The following TMEM132A variants were observed in gnomAD, a reference collection of about 807,000 sequenced individuals.
TMEM132A encodes transmembrane protein 132A.
Under a neutral mutation model 69.9 loss-of-function variants are expected in TMEM132A, and 48 were observed. The ratio of observed to expected loss-of-function variants is 0.69; its 90% CI spans 0.55 to 0.87. The LOEUF is 0.87. TMEM132A is among the 40% of genes least tolerant of loss of function. The pLI, the probability that TMEM132A is intolerant of heterozygous loss-of-function variation, is 0.00. For missense variants in TMEM132A, 1,287 were observed against 1,407.2 expected (o/e 0.91, Z 1.37); for synonymous variants, 577 against 613.7 (o/e 0.94, Z 0.88).
At position 60,927,244 on chromosome 11, in the gene TMEM132A, G is replaced by A. The variant is rs778452382; in HGVS notation, c.141G>A (p.Pro47=). Residue 47 remains proline, a synonymous_variant, in exon 2 of 11, where the codon CCG becomes CCA. Transcript: ENST00000453848. ...GQAPLDPVYL[P]AALELLDAPE... is the part of the protein sequence containing the mutation. ...CTCCCCTGGACCCTGTCTACCTGCC[G>A]GCAGCCCTGGAGCTCCTAGACGCCC... The A allele has an allele frequency of 2.0e-5, 33 of 1,613,402 alleles. No individual in the cohort carries two copies. The highest frequency in any genetic ancestry group is 1.6e-4 in the Middle Eastern group (1 of 6,084).
rs377312517 is a variant in TMEM132A at position 60,935,960 on chromosome 11, G to A, written c.2125G>A (p.Glu709Lys). 24 of 1,611,448 alleles carry A rather than the reference G, an allele frequency of 1.5e-5. No homozygotes were observed. The highest frequency in any genetic ancestry group is 8.8e-5 in the South Asian group (8 of 90,978). ...TGACCTGGGACTGTCCGTCTCAGCC[G>A]AGGAGCCTGGTGCCATCCTGCCAGC... ...RRDLGLSVSA[E>K]EPGAILPAEE... is the part of the protein sequence containing the mutation. Residue 709 changes from glutamate (E) to lysine (K), a missense_variant, in exon 11 of 11, where the codon GAG becomes AAG. Transcript: ENST00000453848. This position sits in a 1 kb window ranked among gnomAD's most constrained non-coding sequence, Gnocchi z 5.0.
In TMEM132A at chr11:60,934,188, T is replaced by G. The variant is rs1856540567; in HGVS notation, c.1560-300T>G. The G allele has an allele frequency of 7.8e-6, 3 of 382,804 alleles. No individual in the cohort carries two copies. In the East Asian group the frequency reaches 1.3e-4, roughly 16 times the overall value. 23.7% of individuals were successfully genotyped at this position (382,804 alleles called of 1,614,324 possible). A position where few individuals can be genotyped will look rare whatever the true frequency, so the allele number is the denominator to read the frequency against. ...GTGGCCCACGCCTCTGGAATCTAGC[T>G]TCCAGGCCCTTCAGAGAGTGAGCGC... On this transcript the variant is annotated intron_variant, in intron 8 of 10. Transcript: ENST00000453848.
Position 60,936,121 on chromosome 11 carries a change from C to T in TMEM132A, c.2286C>T (p.Ala762=). Residue 762 remains alanine, a synonymous_variant, in exon 11 of 11, where the codon GCC becomes GCT. Coordinates refer to ENST00000453848, the MANE Select transcript of TMEM132A (RefSeq NM_178031.3). ...RHRVPLASGT[A]WLGLPPASTP... ...GTGTGCCTCTGGCCTCTGGCACCGC[C>T]TGGCTGGGGCTGCCCCCTGCCTCCA... 5 of 1,613,392 alleles carry T rather than the reference C, an allele frequency of 3.1e-6. No individual in the cohort carries two copies. The highest frequency in any genetic ancestry group is 4.2e-6 in the Non-Finnish European group (5 of 1,179,814).
intron 1 of TMEM132A, among the ~76,000 whole-genome samples, chr11:60,926,840 C>T (rs535128127): frequency 2.2e-4 from 34 of 152,274 alleles, no homozygotes; most frequent in Non-Finnish European, 4.6e-4. Context: ...AGTCTGCCGA[C>T]GGTTGCACCC....
At chr11:60,934,379 T>C (rs1856544377) in intron 8 of TMEM132A, 109 bp from the exon 9 acceptor site, 1 of 1,021,680 alleles carries the variant, frequency 9.8e-7, no homozygotes, top group Non-Finnish European at 1.3e-6. Flanking sequence ...CAGGAGCTGC[T>C]GGTGATTAGG....
rs1170206985 is a variant in TMEM132A, at chr11:60,936,296, G to A, written c.2461G>A (p.Glu821Lys). Residue 821 changes from glutamate (E) to lysine (K), a missense_variant, in exon 11 of 11, where the codon GAG becomes AAG. Transcript: ENST00000453848. ...GCGGGCAGAGGAGGAGGCCAGGAAG[G>A]AGGAGACCGAAGCCAGGGAGGAGGA... ...FERAEEEARK[E>K]ETEAREEEEE... 1.2e-6 allele frequency: 2 copies of A among 1,613,822 alleles called. No individual in the cohort carries two copies. Among genetic ancestry groups the A allele is most frequent in the East Asian group, 2.2e-5 (1 of 44,876 alleles).
Position 60,935,532 on chromosome 11 carries a change from C to T in TMEM132A, c.2028+89C>T. The T allele has an allele frequency of 5.1e-6, 7 of 1,367,482 alleles. No homozygotes were observed. The highest frequency in any genetic ancestry group is 7.0e-6 in the Non-Finnish European group (7 of 1,000,340). The allele number at this position is 1,367,482 out of a possible 1,614,324, so 84.7% of individuals were successfully genotyped here. A position where few individuals can be genotyped will look rare whatever the true frequency, so the allele number is the denominator to read the frequency against. Reference sequence around the variant, plus strand: ...GAATGGGAGGAAGGGACCCTGGTACCTCGACCCCTTAGGGTTTTCAGAGTG... The same window carrying T: ...GAATGGGAGGAAGGGACCCTGGTACTTCGACCCCTTAGGGTTTTCAGAGTG... On this transcript the variant is annotated intron_variant, in intron 10 of 10. Coordinates refer to ENST00000453848, the MANE Select transcript of TMEM132A (RefSeq NM_178031.3). This position sits in a 1 kb window ranked among gnomAD's most constrained non-coding sequence, Gnocchi z 5.0.
intron 8 of TMEM132A, chr11:60,933,979 A>G (rs947088466): frequency 5.6e-5 from 32 of 568,444 alleles, no homozygotes; most frequent in Non-Finnish European, 4.1e-5. Flanking sequence ...AGCACCCTCC[A>G]CTTCCTAATC....
chr11:60,928,826 C>T lies in TMEM132A; in HGVS notation c.732C>T (p.Pro244=). ...VGGVELRPAD[P]PQYQEVPLDE... The stretch of plus-strand genomic sequence containing the variant: ...GTGTGGAGCTGCGCCCAGCAGACCC[C>T]CCGCAGTACCAGGAGGTACCTCTGG... Residue 244 remains proline (P), a synonymous_variant, in exon 4 of 11, where the codon CCC becomes CCT. Transcript: ENST00000453848. 4 of 1,612,328 alleles carry T rather than the reference C, an allele frequency of 2.5e-6. No homozygotes were observed. The highest frequency in any genetic ancestry group is 2.2e-5 in the East Asian group (1 of 44,882).
chr11:60,933,495 T>A (rs1469672762), intron 7 of TMEM132A, 47 bp from the exon 8 acceptor site: 1 of 1,537,030 alleles, frequency 6.5e-7, no homozygotes, highest in South Asian at 1.2e-5. Flanking sequence ...GCCTCACACC[T>A]GTCTTTAGTG....
rs1201471544 is a variant in TMEM132A at position 60,935,458 on chromosome 11, GT to G, written c.2028+16del. Reference sequence around the variant, plus strand: ...CCCCAAAGCAGGTGACAGTTGGGGGGTCAGGGGGATGAGGTCAACATCTCCA... The same window carrying G: ...CCCCAAAGCAGGTGACAGTTGGGGGGCAGGGGGATGAGGTCAACATCTCCA... On this transcript the variant is annotated intron_variant, in intron 10 of 10. Transcript: ENST00000453848. The surrounding 1 kb of genome is among the most constrained non-coding windows in gnomAD (Gnocchi z 5.0). 1 of 1,586,228 alleles carries G rather than the reference GT, an allele frequency of 6.3e-7. No homozygotes were observed. Among genetic ancestry groups the G allele is most frequent in the African/African-American group, 1.3e-5 (1 of 74,638 alleles).
In TMEM132A at chr11:60,931,757, C is replaced by T. The variant is rs748299271; in HGVS notation, c.1085C>T (p.Ala362Val). ...VVENSTGGGV[A>V]VTRPVTWQLE... The stretch of plus-strand genomic sequence containing the variant: ...GAGAATAGCACTGGTGGGGGCGTAG[C>T]GGTCACTCGCCCCGTCACGTGGCAG... The change falls in exon 6 of 11, where the codon GCG (alanine) becomes GTG (valine). Residue 362 changes from alanine (A) to valine (V), a missense_variant. Transcript: ENST00000453848. The T allele has an allele frequency of 6.8e-6, 11 of 1,614,042 alleles. No homozygotes were observed. Among genetic ancestry groups the T allele is most frequent in the East Asian group, 2.2e-5 (1 of 44,896 alleles).
Position 60,936,509 on chromosome 11 carries a change from C to T in TMEM132A, c.2674C>T (p.Pro892Ser), listed in dbSNP as rs150465123. Residue 892 changes from proline (P) to serine (S), a missense_variant, in exon 11 of 11, where the codon CCC becomes TCC. By Grantham distance (74) the Pro-to-Ser change is moderately conservative. Coordinates refer to ENST00000453848, the MANE Select transcript of TMEM132A (RefSeq NM_178031.3). The stretch of plus-strand genomic sequence containing the variant: ...TGCCACTGACCCCACCTCCCCCCAG[C>T]CCCACAACTGGGTCTGGCTGGGCAC... ...DSATDPTSPQ[P>S]HNWVWLGTDQ... 52 of 1,614,016 alleles carry T rather than the reference C, an allele frequency of 3.2e-5. No homozygotes were observed. The African/African-American group carries it at 6.1e-4, about 19-fold the overall frequency.
At chr11:60,931,439 AG>A (rs978443792) in intron 5 of TMEM132A, among the ~76,000 whole-genome samples, 4 of 151,980 alleles carry the variant, frequency 2.6e-5, no homozygotes, top group Admixed American at 6.6e-5. Context: ...GCCAGGTGGG[AG>A]GTGGTTAAAT....
chr11:60,936,473 C>A lies in TMEM132A; in HGVS notation c.2638C>A (p.Pro880Thr). The A allele has an allele frequency of 1.9e-6, 3 of 1,614,150 alleles. No individual in the cohort carries two copies. The highest frequency in any genetic ancestry group is 2.5e-6 in the Non-Finnish European group (3 of 1,180,012). The change falls in exon 11 of 11, where the codon CCT (proline) becomes ACT (threonine). Residue 880 changes from proline to threonine, a missense_variant. By Grantham distance (38) the Pro-to-Thr change is conservative. Transcript: ENST00000453848. ...VFVLRYQRKE[P>T]PDSATDPTSP... The stretch of plus-strand genomic sequence containing the variant: ...CGTCCTGCGCTATCAGCGCAAAGAA[C>A]CTCCCGACAGTGCCACTGACCCCAC...
rs771991959 is a variant in TMEM132A, at chr11:60,934,557, C to G, written c.1629C>G (p.Tyr543Ter). ...ERRARGCHLQ[Y>*]QRAGVRFLAP... ...GCGCCCGTGGCTGCCACCTGCAGTA[C>G]CAGCGGGCCGGTGTGCGCTTCCTCG... The change falls in exon 9 of 11, where the codon TAC becomes TAG. Residue 543 changes from tyrosine to a stop codon, truncating the protein, a stop_gained. Transcript: ENST00000453848. LOFTEE classifies it high-confidence loss of function. 1.2e-5 allele frequency: 19 copies of G among 1,521,562 alleles called. No individual in the cohort carries two copies. Among genetic ancestry groups the G allele is most frequent in the African/African-American group, 2.8e-5 (2 of 71,474 alleles). 94.3% of individuals were successfully genotyped at this position (1,521,562 alleles called of 1,614,324 possible). A position where few individuals can be genotyped will look rare whatever the true frequency, so the allele number is the denominator to read the frequency against.
At position 60,936,504 on chromosome 11, in the gene TMEM132A, C is replaced by T. The variant is rs939532417; in HGVS notation, c.2669C>T (p.Pro890Leu). Residue 890 changes from proline to leucine, a missense_variant, in exon 11 of 11, where the codon CCC becomes CTC. Physicochemically the swap from Pro to Leu is moderately conservative, Grantham distance 98. Transcript: ENST00000453848. ...PPDSATDPTS[P>L]QPHNWVWLGT... ...GACAGTGCCACTGACCCCACCTCCC[C>T]CCAGCCCCACAACTGGGTCTGGCTG... The T allele has an allele frequency of 9.3e-6, 15 of 1,613,986 alleles. No individual in the cohort carries two copies. The Admixed American group carries it at 1.0e-4, about 11-fold the overall frequency.
At position 60,935,256 on chromosome 11, in the gene TMEM132A, G is replaced by C; in HGVS notation, c.1841G>C (p.Arg614Pro). Residue 614 changes from arginine (R) to proline (P), a missense_variant, in exon 10 of 11, where the codon CGT becomes CCT. By Grantham distance (103) the Arg-to-Pro change is moderately radical. Coordinates refer to ENST00000453848, the MANE Select transcript of TMEM132A (RefSeq NM_178031.3). The surrounding 1 kb of genome is among the most constrained non-coding windows in gnomAD (Gnocchi z 5.0). The stretch of plus-strand genomic sequence containing the variant: ...CCAGCTCCTTTCCACCCTCAGGTGC[G>C]TTCCCCACTGTCTGACTCCATCCTG... ...REPGVTSIEV[R>P]SPLSDSILGE... The C allele has an allele frequency of 6.2e-7, 1 of 1,607,548 alleles. No individual in the cohort carries two copies. The highest frequency in any genetic ancestry group is 8.5e-7 in the Non-Finnish European group (1 of 1,177,880).
At chr11:60,930,417 G>C in intron 4 of TMEM132A, 93 bp from the exon 5 acceptor site, 2 of 1,424,136 alleles carry the variant, frequency 1.4e-6, no homozygotes, top group Non-Finnish European at 1.9e-6. Flanking sequence ...AGCCAGGGAG[G>C]TCAGATGGCT....
Sources: allele counts gnomAD v4.1 joint callset (sites outside exome capture counted in the v4.1 genomes callset), GRCh38; gene constraint gnomAD v4.1.1; non-coding constraint Gnocchi (gnomAD v3.1); transcripts MANE v1.5; gene names NCBI Gene and HGNC (gene_info 2026-07-23, HGNC 2026-07-21).